PLXDC2: variants seen among roughly 807,000 people sequenced by gnomAD.
The protein encoded by PLXDC2 is plexin domain containing 2.
PLXDC2 carries 40 observed loss-of-function variants against 68.9 expected under a neutral mutation model. That is an observed-to-expected ratio of 0.58 (90% CI 0.45 to 0.76). The LOEUF (loss-of-function observed/expected upper bound fraction) is 0.76. Ranked by LOEUF, PLXDC2 falls within the 30% of genes least tolerant of loss-of-function variation. PLXDC2 has a pLI of 0.00. For missense variants in PLXDC2, 644 were observed against 661.9 expected, an observed-to-expected ratio of 0.97 and a Z score of 0.30; for synonymous variants, 243 against 234.2, an observed-to-expected ratio of 1.04 and a Z score of -0.34.
At chr10:20,170,318 G>T (rs1267329994) in intron 7 of PLXDC2, among the ~76,000 whole-genome samples, 1 of 152,076 alleles carries the variant, frequency 6.6e-6, no homozygotes, top group Non-Finnish European at 1.5e-5. Context: ...GGTCTCCCAA[G>T]TAGCTGGGAT....
rs1012626269 is a variant in PLXDC2, at chr10:19,831,003, T to G, written c.112+13812T>G. Among the ~76,000 whole-genome samples, 10 of 151,968 alleles carry G rather than the reference T, an allele frequency of 6.6e-5. No individual in the cohort carries two copies. The South Asian group carries it at 1.5e-3, about 22-fold the overall frequency. Reference sequence around the variant, plus strand: ...GAACCAGGTTTGTTTCCTTTTTTTTTTTGTTTGTTTTTTTGCTTGTTTGTT... The same window carrying G: ...GAACCAGGTTTGTTTCCTTTTTTTTGTTGTTTGTTTTTTTGCTTGTTTGTT... On this transcript the variant is annotated intron_variant, in intron 1 of 13. Coordinates refer to ENST00000377252, the MANE Select transcript of PLXDC2 (RefSeq NM_032812.9).
chr10:20,086,010 G>T (rs1263169700), intron 4 of PLXDC2, among the ~76,000 whole-genome samples: 1 of 152,144 alleles, frequency 6.6e-6, no homozygotes, highest in Non-Finnish European at 1.5e-5. Context: ...GTAATGGTTT[G>T]CTTGACAAAT....
At chr10:20,184,673 G>A (rs1309625388) in intron 9 of PLXDC2, among the ~76,000 whole-genome samples, 1 of 151,900 alleles carries the variant, frequency 6.6e-6, no homozygotes, top group East Asian at 1.9e-4. Flanking sequence ...ACAAATTTAA[G>A]TAGTTCAACC....
At chr10:20,127,574 G>A (rs950406836) in intron 4 of PLXDC2, among the ~76,000 whole-genome samples, 2 of 152,176 alleles carry the variant, frequency 1.3e-5, no homozygotes, top group African/African-American at 4.8e-5. Flanking sequence ...GTATGATGAT[G>A]TAGAAAGAAG....
chr10:20,273,609 TACA>T (rs1341774522), intron 13 of PLXDC2, among the ~76,000 whole-genome samples: 1 of 152,174 alleles, frequency 6.6e-6, no homozygotes, highest in African/African-American at 2.4e-5. Flanking sequence ...CAATCACATG[TACA>T]ACCACAATAT....
At chr10:20,175,774 T>C (rs1834518571) in intron 7 of PLXDC2, among the ~76,000 whole-genome samples, 1 of 152,132 alleles carries the variant, frequency 6.6e-6, no homozygotes, top group African/African-American at 2.4e-5. Context: ...CCAGGCTGCA[T>C]TGAGCCATGA....
intron 1 of PLXDC2, among the ~76,000 whole-genome samples, chr10:19,910,740 G>A (rs1377937182): frequency 1.3e-5 from 2 of 152,028 alleles, no homozygotes; most frequent in African/African-American, 4.8e-5. Context: ...GCCGGGTGCA[G>A]TGGCTCACAC....
chr10:19,868,924 T>C (rs1307707757), intron 1 of PLXDC2, among the ~76,000 whole-genome samples: 2 of 152,234 alleles, frequency 1.3e-5, no homozygotes, highest in African/African-American at 2.4e-5. Flanking sequence ...TTATTTCTTG[T>C]AAGTTTTTTG....
At chr10:20,166,030 TTC>T (rs1834369944) in intron 7 of PLXDC2, among the ~76,000 whole-genome samples, 1 of 152,200 alleles carries the variant, frequency 6.6e-6, no homozygotes, top group Non-Finnish European at 1.5e-5. Flanking sequence ...AGATCATTTT[TTC>T]TCTTTTGTTC....
intron 9 of PLXDC2, among the ~76,000 whole-genome samples, chr10:20,210,269 A>T (rs955071654): frequency 9.2e-5 from 14 of 152,168 alleles, no homozygotes; most frequent in Non-Finnish European, 1.9e-4. Context: ...TACAACAATT[A>T]TAAGAATATA....
At chr10:19,818,347 G>C (rs73601610) in intron 1 of PLXDC2, among the ~76,000 whole-genome samples, 3,843 of 151,602 alleles carry the variant, frequency 0.025, 138 homozygotes, top group African/African-American at 0.087. Flanking sequence ...GGAAGGTTGG[G>C]GGACACCTGG....
chr10:20,257,786 C>G (rs924674064), intron 13 of PLXDC2, among the ~76,000 whole-genome samples: 2 of 151,920 alleles, frequency 1.3e-5, no homozygotes, highest in African/African-American at 4.8e-5. Context: ...TCCCTTATGT[C>G]CTTTTCACAA....
rs1013704642 is a variant in PLXDC2, at chr10:20,059,909, C to T, written c.472-8261C>T. Among the ~76,000 whole-genome samples the T allele has an allele frequency of 6.6e-5, 10 of 152,288 alleles. No individual in the cohort carries two copies. The East Asian group carries it at 1.2e-3, about 18-fold the overall frequency. On this transcript the variant is annotated intron_variant, in intron 3 of 13. Coordinates refer to ENST00000377252, the MANE Select transcript of PLXDC2 (RefSeq NM_032812.9). ...TACTTTAGGGTATAACAAGGAAGTTCTCAATGCTCTTATTCACATATATGC... is the reference window on the plus strand; with the variant it reads ...TACTTTAGGGTATAACAAGGAAGTTTTCAATGCTCTTATTCACATATATGC...
At chr10:20,269,790 G>A (rs957425120) in intron 13 of PLXDC2, among the ~76,000 whole-genome samples, 11 of 152,056 alleles carry the variant, frequency 7.2e-5, no homozygotes, top group African/African-American at 2.7e-4. Context: ...GGCAGAGGCA[G>A]GTGGATCACT....
intron 4 of PLXDC2, among the ~76,000 whole-genome samples, chr10:20,103,971 G>A (rs1589630970): frequency 6.6e-6 from 1 of 152,204 alleles, no homozygotes; most frequent in South Asian, 2.1e-4. Flanking sequence ...TATAATTGAA[G>A]GAGCAGAGAC....
At chr10:19,840,231 A>C (rs1038217083) in intron 1 of PLXDC2, among the ~76,000 whole-genome samples, 1 of 152,170 alleles carries the variant, frequency 6.6e-6, no homozygotes, top group African/African-American at 2.4e-5. Context: ...TTAGGATTAA[A>C]ACTAAAATAA....
intron 1 of PLXDC2, among the ~76,000 whole-genome samples, chr10:19,949,698 G>C (rs554973115): frequency 1.3e-5 from 2 of 152,188 alleles, no homozygotes; most frequent in Non-Finnish European, 2.9e-5. Flanking sequence ...TCTGTAAGTG[G>C]GTCTACATGT....
intron 1 of PLXDC2, among the ~76,000 whole-genome samples, chr10:19,904,194 A>G (rs1036962312): frequency 3.9e-5 from 6 of 152,094 alleles, no homozygotes; most frequent in African/African-American, 1.4e-4. Context: ...ATATTTGTTA[A>G]GTCCATTTGT....
At chr10:20,130,799 A>T (rs1833857717) in intron 4 of PLXDC2, among the ~76,000 whole-genome samples, 1 of 152,038 alleles carries the variant, frequency 6.6e-6, no homozygotes, top group Admixed American at 6.6e-5. Context: ...ACATTTATTG[A>T]TTTGTGTATG....
Sources: gnomAD v4.1 joint callset for allele counts (sites outside exome capture counted in the v4.1 genomes callset) on GRCh38, gnomAD v4.1.1 for gene constraint, MANE v1.5 for transcripts, NCBI Gene and HGNC (gene_info 2026-07-23, HGNC 2026-07-21) for gene names.